The following SIDT1 variants were observed in gnomAD, a reference collection of about 807,000 sequenced individuals.
SIDT1 encodes the protein SID1 transmembrane family, member 1.
SIDT1 carries 101 observed loss-of-function variants against 107.5 expected under a neutral mutation model. The ratio of observed to expected loss-of-function variants is 0.94; its 90% CI spans 0.80 to 1.11. The LOEUF (loss-of-function observed/expected upper bound fraction) is 1.11. SIDT1 is among the 50% of genes least tolerant of loss of function. SIDT1 has a pLI of 0.00. For synonymous variants in SIDT1, 395 were observed against 398.2 expected, an observed-to-expected ratio of 0.99 and a Z score of 0.10; for missense variants, 1,076 against 1,058.2, an observed-to-expected ratio of 1.02 and a Z score of -0.23.
At chr3:113,537,405 C>A (rs1293403814) in intron 1 of SIDT1, among the ~76,000 whole-genome samples, 2 of 152,272 alleles carry the variant, frequency 1.3e-5, no homozygotes, top group South Asian at 2.1e-4. Flanking sequence ...TGTGGACACT[C>A]CAGTGGTAAC....
chr3:113,617,426 C>T (rs973836922), intron 20 of SIDT1, among the ~76,000 whole-genome samples: 16 of 152,292 alleles, frequency 1.1e-4, no homozygotes, highest in Non-Finnish European at 1.6e-4. Context: ...AGCCCACTGC[C>T]CCAGGCTTTA....
At position 113,532,644 on chromosome 3, in the gene SIDT1, C is replaced by T. The variant is rs1045144695; in HGVS notation, c.-378C>T. 2.0e-5 allele frequency: 4 copies of T among 199,442 alleles called. No individual in the cohort carries two copies. The allele number at this position is 199,442 out of a possible 1,614,324, so 12.4% of individuals were successfully genotyped here. On this transcript the variant is annotated 5_prime_UTR_variant, in exon 1 of 25. Coordinates refer to ENST00000264852, the MANE Select transcript of SIDT1 (RefSeq NM_017699.3). ...GTATTTCTTTTTAATGACTCCAATG[C>T]CTTTTTATTATTGCTGTTATTGAGG...
Position 113,584,713 on chromosome 3 carries a change from C to T in SIDT1, c.851C>T (p.Thr284Ile), listed in dbSNP as rs1001306623. The T allele has an allele frequency of 1.9e-6, 3 of 1,597,616 alleles. No homozygotes were observed. The highest frequency in any genetic ancestry group is 1.4e-5 in the African/African-American group (1 of 73,458). ...TTTAAACCAGAAAAGGAAAACCAGA[C>T]CTGGAATCTACAGCGAAAAAAGAAC... ...SFFIQEKENQTWNLQRKKNLE... is the reference protein window; with the variant it reads ...SFFIQEKENQIWNLQRKKNLE... The change falls in exon 8 of 25, where the codon ACC becomes ATC. Residue 284 changes from threonine (T) to isoleucine (I), a missense_variant. Thr to Ile is a moderately conservative substitution (Grantham distance 89). Transcript: ENST00000264852.
intron 23 of SIDT1, among the ~76,000 whole-genome samples, chr3:113,625,159 C>T (rs530761575): frequency 4.9e-4 from 72 of 147,214 alleles, no homozygotes; most frequent in African/African-American, 1.6e-3. Context: ...GGCGGGGGGA[C>T]GGGGTCTCCC....
At chr3:113,612,532 C>G (rs1001097463) in intron 19 of SIDT1, 23 of 405,984 alleles carry the variant, frequency 5.7e-5, no homozygotes, top group South Asian at 4.4e-4. Flanking sequence ...ACTAGTTCCA[C>G]CTAGAGGAAC....
At chr3:113,622,333 A>G (rs558392975) in intron 21 of SIDT1, among the ~76,000 whole-genome samples, 89 of 151,918 alleles carry the variant, frequency 5.9e-4, no homozygotes, top group African/African-American at 2.1e-3. Context: ...GCGTGGTGGC[A>G]TGCGTCTGTA....
intron 9 of SIDT1, 29 bp downstream of exon 9, chr3:113,585,299 T>G (rs1396989908): frequency 6.7e-7 from 1 of 1,488,764 alleles, no homozygotes; most frequent in Non-Finnish European, 9.4e-7. Flanking sequence ...GAAATGTTAA[T>G]TCCCTGTGCC....
At chr3:113,550,239 G>A (rs954502084) in intron 1 of SIDT1, among the ~76,000 whole-genome samples, 5 of 152,024 alleles carry the variant, frequency 3.3e-5, no homozygotes, top group African/African-American at 1.2e-4. Flanking sequence ...TATGAACATG[G>A]TCAGCCCATC....
At chr3:113,611,739 G>A (rs750746788) in intron 18 of SIDT1, among the ~76,000 whole-genome samples, 12 of 152,232 alleles carry the variant, frequency 7.9e-5, no homozygotes, top group Non-Finnish European at 1.5e-4. Context: ...TGACTGGAGA[G>A]ACTGAGGGGA....
At chr3:113,580,773 A>G in intron 5 of SIDT1, 64 bp downstream of exon 5, 2 of 1,059,026 alleles carry the variant, frequency 1.9e-6, no homozygotes. Context: ...AACAAATGAA[A>G]GAGAAGGGTG....
In SIDT1 at chr3:113,605,811, C is replaced by T. The variant is rs530208979; in HGVS notation, c.1404+835C>T. On this transcript the variant is annotated intron_variant, in intron 14 of 24. Transcript: ENST00000264852. ...CTGAGCTCAGGAGTTTGAGACCAGC[C>T]TGGGCAACATGGCGAAACCCTGACT... Among the ~76,000 whole-genome samples the T allele has an allele frequency of 2.6e-5, 4 of 152,094 alleles. No homozygotes were observed. In the East Asian group the frequency reaches 7.7e-4, roughly 29 times the overall value.
intron 1 of SIDT1, among the ~76,000 whole-genome samples, chr3:113,545,143 T>G (rs915800862): frequency 3.6e-5 from 4 of 110,626 alleles, no homozygotes; most frequent in African/African-American, 1.7e-4. Flanking sequence ...AAAAAAAAAG[T>G]CATTCGTGAA....
intron 10 of SIDT1, among the ~76,000 whole-genome samples, chr3:113,596,197 G>A (rs1250345942): frequency 1.3e-5 from 2 of 152,198 alleles, no homozygotes; most frequent in African/African-American, 4.8e-5. Context: ...CATCATTGTG[G>A]AGCTAGATAT....
At position 113,603,107 on chromosome 3, in the gene SIDT1, C is replaced by G. The variant is rs772071052; in HGVS notation, c.1220C>G (p.Thr407Ser). The change falls in exon 12 of 25, where the codon ACC becomes AGC. Residue 407 changes from threonine to serine, a missense_variant. By Grantham distance (58) the Thr-to-Ser change is moderately conservative. Coordinates refer to ENST00000264852, the MANE Select transcript of SIDT1 (RefSeq NM_017699.3). ...DSSVEESDFD[T>S]MPDIESDKNI... ...TCCGTGGAGGAGAGCGACTTCGACA[C>G]CATGCCAGACATTGAGAGTGATAAA... is the stretch of plus-strand genomic sequence containing the variant. 4 of 1,613,970 alleles carry G rather than the reference C, an allele frequency of 2.5e-6. No homozygotes were observed. Among genetic ancestry groups the G allele is most frequent in the Admixed American group, 3.3e-5 (2 of 59,986 alleles).
intron 1 of SIDT1, among the ~76,000 whole-genome samples, chr3:113,544,303 G>A (rs890315220): frequency 1.3e-5 from 2 of 152,030 alleles, no homozygotes; most frequent in Non-Finnish European, 2.9e-5. Context: ...CTAGTCCCCT[G>A]CCTCAGCCTC....
At chr3:113,537,361 G>T (rs999025199) in intron 1 of SIDT1, among the ~76,000 whole-genome samples, 1 of 152,124 alleles carries the variant, frequency 6.6e-6, no homozygotes, top group South Asian at 2.1e-4. Flanking sequence ...GATTCAAAAA[G>T]CCTACCCAGT....
At chr3:113,599,536 G>A (rs1004740400) in intron 10 of SIDT1, among the ~76,000 whole-genome samples, 1 of 152,328 alleles carries the variant, frequency 6.6e-6, no homozygotes, top group African/African-American at 2.4e-5. Context: ...ACAACAGAAG[G>A]TTATTCAGCC....
intron 1 of SIDT1, among the ~76,000 whole-genome samples, chr3:113,562,081 A>G (rs1941483796): frequency 6.6e-6 from 1 of 152,220 alleles, no homozygotes; most frequent in African/African-American, 2.4e-5. Context: ...GATGCCAAAG[A>G]TGAAGTCTGC....
chr3:113,541,925 C>CTTTTTTTTTT (rs34308658), intron 1 of SIDT1, among the ~76,000 whole-genome samples: 1 of 128,224 alleles, frequency 7.8e-6, no homozygotes, highest in Non-Finnish European at 1.7e-5. Flanking sequence ...CTTTTTCTTT[C>CTTTTTTTTTT]TTTTTTTTTT....
Sources: allele counts gnomAD v4.1 joint callset (sites outside exome capture counted in the v4.1 genomes callset), GRCh38; gene constraint gnomAD v4.1.1; transcripts MANE v1.5; gene names NCBI Gene and HGNC (gene_info 2026-07-23, HGNC 2026-07-21).